The following SDC2 variants were observed in gnomAD, a reference collection of about 807,000 sequenced individuals.
SDC2 encodes the protein syndecan 2.
A neutral mutation model predicts 22.2 loss-of-function variants in SDC2; 13 were observed. The observed-to-expected ratio is 0.59, with a 90% CI of 0.38 to 0.93. The LOEUF (loss-of-function observed/expected upper bound fraction) is 0.93. Among genes scored for constraint, SDC2 ranks in the 40% least tolerant of loss-of-function variants. The pLI is 0.00. For missense variants in SDC2, 235 were observed against 246.8 expected (o/e 0.95, Z 0.32); for synonymous variants, 94 against 92.8 (o/e 1.01, Z -0.07).
At chr8:96,525,575 G>C (rs528166875) in intron 1 of SDC2, among the ~76,000 whole-genome samples, 25 of 152,262 alleles carry the variant, frequency 1.6e-4, no homozygotes, top group African/African-American at 6.0e-4. Flanking sequence ...CTCCTTTAGA[G>C]CTCTCTGGTG....
At chr8:96,556,747 T>C (rs1814120794) in intron 1 of SDC2, among the ~76,000 whole-genome samples, 1 of 151,704 alleles carries the variant, frequency 6.6e-6, no homozygotes. Context: ...CCAAAAGCAA[T>C]GGCAACAAAA....
intron 1 of SDC2, among the ~76,000 whole-genome samples, chr8:96,576,267 C>A (rs1814489285): frequency 6.6e-6 from 1 of 151,694 alleles, no homozygotes; most frequent in African/African-American, 2.4e-5. Context: ...GCTGGAGTTA[C>A]CCTACTGCCT....
At position 96,606,200 on chromosome 8, in the gene SDC2, C is replaced by T. The variant is rs139334736; in HGVS notation, c.307-2135C>T. On this transcript the variant is annotated intron_variant, in intron 3 of 4. Coordinates refer to ENST00000302190, the MANE Select transcript of SDC2 (RefSeq NM_002998.4). ...ATGCAGTGGCACAATTATAGCTCAC[C>T]GCAGCCTCCAACTCCTGGGATCAAG... Among the ~76,000 whole-genome samples the T allele has an allele frequency of 5.2e-3, 793 of 152,188 alleles. 5 individuals are homozygous for T. The highest frequency in any genetic ancestry group is 0.017 in the African/African-American group (709 of 41,516).
intron 1 of SDC2, among the ~76,000 whole-genome samples, chr8:96,579,046 A>C (rs570556256): frequency 3.3e-5 from 5 of 152,342 alleles, no homozygotes; most frequent in Non-Finnish European, 5.9e-5. Flanking sequence ...GAGCAAAGCA[A>C]ATAGCAGTTA....
chr8:96,577,981 A>G (rs973449521), intron 1 of SDC2, among the ~76,000 whole-genome samples: 7 of 152,232 alleles, frequency 4.6e-5, no homozygotes, highest in African/African-American at 1.7e-4. Context: ...CTATCCATGC[A>G]TGAAGCTTAC....
At chr8:96,520,480 TTTTCC>T (rs1175678192) in intron 1 of SDC2, among the ~76,000 whole-genome samples, 26 of 152,226 alleles carry the variant, frequency 1.7e-4, no homozygotes, top group African/African-American at 5.5e-4. Flanking sequence ...TCTTACTGCC[TTTTCC>T]TTTCCAGAGC....
chr8:96,587,085 G>A (rs954405101), intron 1 of SDC2, among the ~76,000 whole-genome samples: 1 of 152,090 alleles, frequency 6.6e-6, no homozygotes, highest in Non-Finnish European at 1.5e-5. Context: ...ACCACGCCTG[G>A]CTAATTTTTT....
At chr8:96,590,410 G>A (rs1814760080) in intron 1 of SDC2, among the ~76,000 whole-genome samples, 2 of 152,116 alleles carry the variant, frequency 1.3e-5, no homozygotes, top group Non-Finnish European at 2.9e-5. Context: ...AGTATGTCCC[G>A]AGGTTTTCTC....
At chr8:96,582,569 A>G (rs1355388138) in intron 1 of SDC2, among the ~76,000 whole-genome samples, 1 of 152,166 alleles carries the variant, frequency 6.6e-6, no homozygotes, top group African/African-American at 2.4e-5. Flanking sequence ...TGCAAGTGTC[A>G]TTTTCTTCAT....
chr8:96,524,083 A>G (rs1813539484), intron 1 of SDC2, among the ~76,000 whole-genome samples: 1 of 152,226 alleles, frequency 6.6e-6, no homozygotes, highest in Non-Finnish European at 1.5e-5. Context: ...TAGGGCACAG[A>G]TATTTCAGTA....
At chr8:96,548,590 C>G (rs966019898) in intron 1 of SDC2, among the ~76,000 whole-genome samples, 5 of 152,178 alleles carry the variant, frequency 3.3e-5, no homozygotes, top group Admixed American at 2.0e-4. Context: ...CAGGAGTGAG[C>G]AAAGTGCCAC....
At chr8:96,549,668 G>A (rs1167986067) in intron 1 of SDC2, among the ~76,000 whole-genome samples, 2 of 152,232 alleles carry the variant, frequency 1.3e-5, no homozygotes, top group African/African-American at 4.8e-5. Context: ...ATGTGGTTCT[G>A]TAAGTCTTCA....
intron 1 of SDC2, among the ~76,000 whole-genome samples, chr8:96,535,190 G>T (rs552805178): frequency 3.3e-4 from 50 of 152,160 alleles, no homozygotes; most frequent in Admixed American, 2.7e-3. Context: ...TGTATTTTTA[G>T]TAGAGATGGG....
intron 1 of SDC2, among the ~76,000 whole-genome samples, chr8:96,534,996 A>T (rs979808764): frequency 4.0e-5 from 6 of 150,536 alleles, no homozygotes; most frequent in Non-Finnish European, 2.9e-5. Flanking sequence ...TTTCAGATAA[A>T]TGCCAAACAA....
rs1334195649 is a variant in SDC2, at chr8:96,494,226, G to C, written c.-46G>C. On this transcript the variant is annotated 5_prime_UTR_variant, in exon 1 of 5. Coordinates refer to ENST00000302190, the MANE Select transcript of SDC2 (RefSeq NM_002998.4). ...AGCGCTGGGCAGGAGGCTTCGTTTT[G>C]CCCTGGTTGCAAGCAGCGGCTGGGA... The C allele has an allele frequency of 9.1e-6, 14 of 1,534,272 alleles. No individual in the cohort carries two copies. Among genetic ancestry groups the C allele is most frequent in the Middle Eastern group, 1.7e-4 (1 of 5,790 alleles).
chr8:96,570,573 G>A (rs1273198825), intron 1 of SDC2, among the ~76,000 whole-genome samples: 1 of 152,112 alleles, frequency 6.6e-6, no homozygotes, highest in Non-Finnish European at 1.5e-5. Flanking sequence ...AATAAAACAA[G>A]CCAATGAAAG....
intron 1 of SDC2, among the ~76,000 whole-genome samples, chr8:96,497,900 A>G (rs576375467): frequency 6.6e-6 from 1 of 152,318 alleles, no homozygotes; most frequent in African/African-American, 2.4e-5. Flanking sequence ...CTTCTTCCCA[A>G]GGCAGAAGGG....
At chr8:96,524,951 G>C (rs1813555033) in intron 1 of SDC2, among the ~76,000 whole-genome samples, 1 of 152,150 alleles carries the variant, frequency 6.6e-6, no homozygotes, top group African/African-American at 2.4e-5. Context: ...GAACCAGTTT[G>C]AGTGAGACAA....
intron 1 of SDC2, among the ~76,000 whole-genome samples, chr8:96,567,534 A>G (rs1221065110): frequency 6.6e-6 from 1 of 152,138 alleles, no homozygotes; most frequent in East Asian, 1.9e-4. Flanking sequence ...TCCAGTGTCC[A>G]CCTTACCATT....
Sources: gnomAD v4.1 joint callset for allele counts (sites outside exome capture counted in the v4.1 genomes callset) on GRCh38, gnomAD v4.1.1 for gene constraint, MANE v1.5 for transcripts, NCBI Gene and HGNC (gene_info 2026-07-23, HGNC 2026-07-21) for gene names.